Variants in CDH10 observed in about 807,000 individuals in gnomAD.
The protein encoded by CDH10 is cadherin-10.
CDH10 carries 30 observed loss-of-function variants against 73.1 expected under a neutral mutation model. That is an observed-to-expected ratio of 0.41 (90% CI 0.31 to 0.56). The LOEUF (loss-of-function observed/expected upper bound fraction) is 0.56. Ranked by LOEUF, CDH10 falls within the 20% of genes least tolerant of loss-of-function variation. CDH10 has a pLI of 0.27. For synonymous variants in CDH10, 345 were observed against 348.2 expected (o/e 0.99, Z 0.10); for missense variants, 815 against 973.7 (o/e 0.84, Z 2.17).
chr5:24,498,609 C>A (rs971120119), intron 8 of CDH10, 90 bp from the exon 9 acceptor site: 24 of 793,304 alleles, frequency 3.0e-5, no homozygotes, highest in Admixed American at 2.8e-4. Flanking sequence ...ATGAAGTGCT[C>A]ACATACAAAT....
chr5:24,630,119 T>A (rs893047155), intron 1 of CDH10, among the ~76,000 whole-genome samples: 1 of 151,842 alleles, frequency 6.6e-6, no homozygotes, highest in African/African-American at 2.4e-5. Context: ...TTTAAGAAAG[T>A]AAAAATATAC....
intron 1 of CDH10, among the ~76,000 whole-genome samples, chr5:24,616,331 G>C (rs16893663): frequency 0.019 from 2,887 of 152,128 alleles, 92 homozygotes; most frequent in African/African-American, 0.066. Flanking sequence ...TTTCCGCAAC[G>C]AATTTGGATT....
At position 24,537,645 on chromosome 5, in the gene CDH10, T is replaced by A; in HGVS notation, c.261A>T (p.Gly87=). 2.5e-6 allele frequency: 4 copies of A among 1,601,606 alleles called. No individual in the cohort carries two copies. Among genetic ancestry groups the A allele is most frequent in the Non-Finnish European group, 3.4e-6 (4 of 1,169,770 alleles). Residue 87 remains glycine, a synonymous_variant, in exon 3 of 12, where the codon GGA becomes GGT. Transcript: ENST00000264463. ...KLHSDQDKGD[G]SLKYILSGDG... ...CTCCAGATAAGATATATTTGAGTGA[T>A]CCATCTCCTTTATCTTGGTCTGAAT...
chr5:24,496,794 A>C (rs1349622156), intron 9 of CDH10, among the ~76,000 whole-genome samples: 1 of 152,178 alleles, frequency 6.6e-6, no homozygotes, highest in Non-Finnish European at 1.5e-5. Flanking sequence ...ATTTTATCAA[A>C]TTACCACTTT....
At chr5:24,554,187 CGT>C (rs1491056790) in intron 2 of CDH10, 2 of 123,636 alleles carry the variant, frequency 1.6e-5, no homozygotes, top group East Asian at 3.2e-4. Flanking sequence ...ACTGCAACTT[CGT>C]AAGTAACTCT....
intron 11 of CDH10, among the ~76,000 whole-genome samples, chr5:24,490,220 T>A (rs926688096): frequency 1.8e-4 from 27 of 152,054 alleles, no homozygotes; most frequent in African/African-American, 6.5e-4. Context: ...CAAATAAATA[T>A]TTATATTATT....
chr5:24,555,001 G>C (rs1029528120), intron 2 of CDH10, among the ~76,000 whole-genome samples: 15 of 151,738 alleles, frequency 9.9e-5, no homozygotes, highest in Non-Finnish European at 1.9e-4. Flanking sequence ...ATTTTTCCCA[G>C]AACCTCCTTT....
At chr5:24,614,878 G>C (rs1214828614) in intron 1 of CDH10, among the ~76,000 whole-genome samples, 1 of 152,088 alleles carries the variant, frequency 6.6e-6, no homozygotes, top group Non-Finnish European at 1.5e-5. Context: ...TTTTTGTGTG[G>C]TTCTCTCCTG....
rs1462771726 is a variant in CDH10 at position 24,505,181 on chromosome 5, A to G, written c.1324T>C (p.Tyr442His). 6.2e-7 allele frequency: 1 copy of G among 1,611,424 alleles called. No individual in the cohort carries two copies. The highest frequency in any genetic ancestry group is 2.2e-5 in the East Asian group (1 of 44,788). The change falls in exon 8 of 12, where the codon TAT (tyrosine) becomes CAT (histidine). Residue 442 changes from tyrosine to histidine, a missense_variant. Transcript: ENST00000264463. The stretch of plus-strand genomic sequence containing the variant: ...TCACGGTCAAGAGGTTTTGATGTAT[A>G]AAGAGATCCATTTCCTGAATGAATG... ...FNIHSGNGSL[Y>H]TSKPLDRELS... is the part of the protein sequence containing the mutation.
chr5:24,639,360 T>A (rs1347431318), intron 1 of CDH10, among the ~76,000 whole-genome samples: 2 of 151,734 alleles, frequency 1.3e-5, no homozygotes, highest in Non-Finnish European at 3.0e-5. Flanking sequence ...TAATATTATG[T>A]ACAAAATTTA....
At chr5:24,628,416 A>G (rs976479547) in intron 1 of CDH10, among the ~76,000 whole-genome samples, 1 of 152,168 alleles carries the variant, frequency 6.6e-6, no homozygotes, top group Non-Finnish European at 1.5e-5. Flanking sequence ...TTCAATATAC[A>G]TATGAATTTG....
At chr5:24,504,589 G>A (rs1246254124) in intron 8 of CDH10, among the ~76,000 whole-genome samples, 1 of 137,016 alleles carries the variant, frequency 7.3e-6, no homozygotes, top group Non-Finnish European at 1.5e-5. Context: ...GCAGTGGCGC[G>A]ATCTCGGCTC....
intron 1 of CDH10, among the ~76,000 whole-genome samples, chr5:24,596,988 T>C (rs1026532933): frequency 6.6e-6 from 1 of 151,992 alleles, no homozygotes; most frequent in African/African-American, 2.4e-5. Context: ...GAAACTATTA[T>C]TAAACTACCT....
At chr5:24,535,081 C>T (rs1399995544) in intron 5 of CDH10, 31 bp downstream of exon 5, 3 of 1,508,404 alleles carry the variant, frequency 2.0e-6, no homozygotes, top group South Asian at 2.6e-5. Context: ...AAATCTTTTG[C>T]CCGGCAGAAT....
chr5:24,616,921 A>G (rs1222689372), intron 1 of CDH10, among the ~76,000 whole-genome samples: 1 of 152,174 alleles, frequency 6.6e-6, no homozygotes, highest in Non-Finnish European at 1.5e-5. Flanking sequence ...TTTAAGCGAG[A>G]AGTAATTTTA....
intron 5 of CDH10, among the ~76,000 whole-genome samples, chr5:24,523,998 C>T (rs1330921798): frequency 6.6e-6 from 1 of 151,994 alleles, no homozygotes; most frequent in Non-Finnish European, 1.5e-5. Context: ...CACATAAGTA[C>T]ATTAATTTTT....
intron 1 of CDH10, among the ~76,000 whole-genome samples, chr5:24,595,958 A>C (rs2112101360): frequency 6.6e-6 from 1 of 152,058 alleles, no homozygotes; most frequent in Admixed American, 6.6e-5. Context: ...AGTTTCAATT[A>C]TTTAATGATA....
chr5:24,504,508 T>TTTTTTTTTTTG (rs1742615296), intron 8 of CDH10, among the ~76,000 whole-genome samples: 1 of 7,714 alleles, frequency 1.3e-4, no homozygotes, highest in Non-Finnish European at 4.8e-4. Context: ...CTATTAATCT[T>TTTTTTTTTTTG]TTTTTTTTTT....
chr5:24,535,629 T>C, intron 4 of CDH10, 74 bp downstream of exon 4: 1 of 1,335,902 alleles, frequency 7.5e-7, no homozygotes, highest in South Asian at 1.4e-5. Flanking sequence ...TTGTTCTTAT[T>C]CTCCCATGGT....
Sources: gnomAD v4.1 joint callset for allele counts (sites outside exome capture counted in the v4.1 genomes callset) on GRCh38, gnomAD v4.1.1 for gene constraint, MANE v1.5 for transcripts, NCBI Gene and HGNC (gene_info 2026-07-23, HGNC 2026-07-21) for gene names.